ABCA13: variants seen among roughly 807,000 people sequenced by gnomAD.
ABCA13 encodes the protein ATP-binding cassette sub-family A member 13.
A neutral mutation model predicts 478.7 loss-of-function variants in ABCA13; 476 were observed. That is an observed-to-expected ratio of 0.99 (90% confidence interval 0.92 to 1.07). The LOEUF is 1.07. Among genes scored for constraint, ABCA13 ranks in the 50% least tolerant of loss-of-function variants. The pLI is 0.00. For synonymous variants in ABCA13, 2,252 were observed against 2,158.9 expected (o/e 1.04, Z -1.20); for missense variants, 6,060 against 5,910.6 (o/e 1.03, Z -0.83).
At chr7:48,342,425 T>A (rs1012280733) in intron 29 of ABCA13, among the ~76,000 whole-genome samples, 2 of 152,202 alleles carry the variant, frequency 1.3e-5, no homozygotes, top group African/African-American at 4.8e-5. Flanking sequence ...GGCTGTATTG[T>A]ATTTTCTGTT....
At chr7:48,362,409 C>CTTTTTTTTTTTTTTTTTTTTTTCTTTTT (rs35795708) in intron 31 of ABCA13, among the ~76,000 whole-genome samples, 1 of 86,010 alleles carries the variant, frequency 1.2e-5, no homozygotes, top group African/African-American at 4.7e-5. Flanking sequence ...TCCTCTTCTT[C>CTTTTTTTTTTTTTTTTTTTTTTCTTTTT]TTTTTTTTTT....
chr7:48,180,524 A>G (rs1399657041), intron 1 of ABCA13, among the ~76,000 whole-genome samples: 1 of 151,854 alleles, frequency 6.6e-6, no homozygotes, highest in Non-Finnish European at 1.5e-5. Context: ...GGGTTCAAAC[A>G]ACTCTCCTGC....
At chr7:48,448,596 T>C (rs949094644) in intron 42 of ABCA13, among the ~76,000 whole-genome samples, 7 of 152,200 alleles carry the variant, frequency 4.6e-5, no homozygotes, top group Admixed American at 2.0e-4. Context: ...CACATAGGAA[T>C]TGGAAATTTT....
chr7:48,572,600 C>T (rs1257387908), intron 55 of ABCA13, among the ~76,000 whole-genome samples: 1 of 151,968 alleles, frequency 6.6e-6, no homozygotes, highest in Admixed American at 6.6e-5. Context: ...ATAAAGTTGA[C>T]TTGGTCAAAA....
chr7:48,623,229 T>A (rs1314032328), intron 59 of ABCA13, among the ~76,000 whole-genome samples: 1 of 152,230 alleles, frequency 6.6e-6, no homozygotes, highest in Non-Finnish European at 1.5e-5. Flanking sequence ...GACCTCATCA[T>A]CCTACTCATT....
intron 37 of ABCA13, 118 bp downstream of exon 37, chr7:48,389,338 A>G: frequency 8.7e-7 from 1 of 1,146,578 alleles, no homozygotes; most frequent in Non-Finnish European, 1.2e-6. Context: ...GTCTCAATAC[A>G]GAGTTTAGAG....
chr7:48,308,257 G>A (rs796833922), intron 23 of ABCA13, among the ~76,000 whole-genome samples: 5 of 152,210 alleles, frequency 3.3e-5, no homozygotes, highest in African/African-American at 1.2e-4. Flanking sequence ...GGTCTTCAGG[G>A]GCAATAACAT....
Position 48,217,327 on chromosome 7 carries a change from C to T in ABCA13, c.288-2027C>T, listed in dbSNP as rs192742543. On this transcript the variant is annotated intron_variant, in intron 3 of 61. Coordinates refer to ENST00000435803, the MANE Select transcript of ABCA13 (RefSeq NM_152701.5). ...ATAATTCTCATTTGATAACAATTTG[C>T]CCTGTTTGTCTAAGCAAAAATTAAC... Among the ~76,000 whole-genome samples, 5 of 152,238 alleles carry T rather than the reference C, an allele frequency of 3.3e-5. No homozygotes were observed. The East Asian group carries it at 9.7e-4, about 29-fold the overall frequency.
At chr7:48,621,993 C>T (rs563110158) in intron 59 of ABCA13, among the ~76,000 whole-genome samples, 2 of 152,236 alleles carry the variant, frequency 1.3e-5, no homozygotes, top group South Asian at 2.1e-4. Context: ...TATAGAATTT[C>T]GGGGACCCAA....
chr7:48,428,542 T>G (rs928148584), intron 42 of ABCA13, among the ~76,000 whole-genome samples: 1 of 152,198 alleles, frequency 6.6e-6, no homozygotes, highest in African/African-American at 2.4e-5. Flanking sequence ...ACTAGGCACA[T>G]GAACCCATGA....
intron 31 of ABCA13, among the ~76,000 whole-genome samples, chr7:48,356,311 A>C (rs1434248398): frequency 6.6e-6 from 1 of 151,940 alleles, no homozygotes; most frequent in Non-Finnish European, 1.5e-5. Context: ...GGAGGGGTAG[A>C]ATTGGAGAGT....
chr7:48,413,485 T>C, intron 41 of ABCA13, among the ~76,000 whole-genome samples: 1 of 152,206 alleles, frequency 6.6e-6, no homozygotes, highest in Non-Finnish European at 1.5e-5. Flanking sequence ...CATGCCTTGT[T>C]TGGGGTTCTT....
chr7:48,453,936 A>G (rs1825346704), intron 42 of ABCA13, among the ~76,000 whole-genome samples: 1 of 152,140 alleles, frequency 6.6e-6, no homozygotes, highest in African/African-American at 2.4e-5. Flanking sequence ...ACCCCTCTAC[A>G]ATTCTGTTCT....
intron 31 of ABCA13, among the ~76,000 whole-genome samples, chr7:48,367,322 T>C (rs1261620014): frequency 6.6e-6 from 1 of 152,188 alleles, no homozygotes; most frequent in African/African-American, 2.4e-5. Flanking sequence ...ATATTAGAAA[T>C]GGAGCCCAGT....
intron 23 of ABCA13, among the ~76,000 whole-genome samples, chr7:48,304,494 G>A (rs1026996312): frequency 5.3e-5 from 8 of 152,010 alleles, no homozygotes; most frequent in African/African-American, 1.9e-4. Context: ...TTTATTTTTT[G>A]ACTTTTTAAT....
intron 50 of ABCA13, 55 bp downstream of exon 50, chr7:48,508,104 C>A: frequency 6.2e-7 from 1 of 1,608,918 alleles, no homozygotes; most frequent in Middle Eastern, 1.7e-4. Context: ...CTAAATAGTG[C>A]GTGTATGGAG....
At chr7:48,494,878 A>G (rs1205557842) in intron 48 of ABCA13, among the ~76,000 whole-genome samples, 2 of 152,226 alleles carry the variant, frequency 1.3e-5, no homozygotes, top group African/African-American at 4.8e-5. Context: ...TTCACTTAGA[A>G]TTATTGACTT....
intron 31 of ABCA13, among the ~76,000 whole-genome samples, chr7:48,366,842 G>A (rs889770217): frequency 6.6e-6 from 1 of 152,128 alleles, no homozygotes; most frequent in Non-Finnish European, 1.5e-5. Flanking sequence ...GTCAACATGA[G>A]TTTTGGCAGA....
intron 55 of ABCA13, among the ~76,000 whole-genome samples, chr7:48,544,748 A>G (rs754101863): frequency 2.0e-5 from 3 of 151,880 alleles, no homozygotes; most frequent in Non-Finnish European, 4.4e-5. Flanking sequence ...AAATTAATCA[A>G]ACCCAAGAAG....
Sources: gnomAD v4.1 joint callset for allele counts (sites outside exome capture counted in the v4.1 genomes callset) on GRCh38, gnomAD v4.1.1 for gene constraint, MANE v1.5 for transcripts, NCBI Gene and HGNC (gene_info 2026-07-23, HGNC 2026-07-21) for gene names.